Variants in JAZF1 observed in about 807,000 individuals in gnomAD.
JAZF1 encodes juxtaposed with another zinc finger protein 1.
A neutral mutation model predicts 26.4 loss-of-function variants in JAZF1; 8 were observed. The observed-to-expected ratio is 0.30, with a 90% CI of 0.18 to 0.55. The LOEUF is 0.55. Among genes scored for constraint, JAZF1 ranks in the 20% least tolerant of loss-of-function variants. The pLI, the probability that JAZF1 is intolerant of heterozygous loss-of-function variation, is 0.94. For missense variants in JAZF1, 199 were observed against 322.0 expected (o/e 0.62, Z 2.92); for synonymous variants, 126 against 122.3 (o/e 1.03, Z -0.20).
chr7:27,935,466 T>G (rs1784751847), intron 2 of JAZF1, among the ~76,000 whole-genome samples: 1 of 152,222 alleles, frequency 6.6e-6, no homozygotes, highest in Non-Finnish European at 1.5e-5. Flanking sequence ...TCACATATGA[T>G]TCCACGTGTA....
At chr7:27,928,715 C>T (rs78905425) in intron 2 of JAZF1, among the ~76,000 whole-genome samples, 1 of 152,170 alleles carries the variant, frequency 6.6e-6, no homozygotes, top group Non-Finnish European at 1.5e-5. Context: ...CGTGTTCTCA[C>T]TCATAAGTGG....
intron 2 of JAZF1, among the ~76,000 whole-genome samples, chr7:27,902,743 A>G (rs1295342070): frequency 1.3e-5 from 2 of 152,214 alleles, no homozygotes; most frequent in African/African-American, 2.4e-5. Context: ...CATGCTGGGC[A>G]CGGTGGCTCA....
intron 2 of JAZF1, among the ~76,000 whole-genome samples, chr7:27,900,619 G>GA (rs35195810): frequency 2.0e-5 from 3 of 151,556 alleles, no homozygotes; most frequent in Admixed American, 6.6e-5. Flanking sequence ...TTAATGTGGG[G>GA]AAAAAAAAGC....
chr7:27,942,871 CAT>C (rs1447011304), intron 2 of JAZF1, among the ~76,000 whole-genome samples: 3 of 152,304 alleles, frequency 2.0e-5, no homozygotes, highest in African/African-American at 7.2e-5. Flanking sequence ...AGGTCTGAAA[CAT>C]AAGCCTTGGC....
chr7:28,056,629 A>G (rs912052297), intron 1 of JAZF1, among the ~76,000 whole-genome samples: 8 of 152,180 alleles, frequency 5.3e-5, no homozygotes, highest in African/African-American at 1.9e-4. Flanking sequence ...AAAAGCAAAC[A>G]CAGCTCATGA....
intron 1 of JAZF1, among the ~76,000 whole-genome samples, chr7:28,061,813 T>C (rs1010707904): frequency 5.3e-5 from 8 of 152,168 alleles, no homozygotes; most frequent in African/African-American, 1.9e-4. Flanking sequence ...GTAAGACAAG[T>C]GGGTATTTCT....
intron 1 of JAZF1, among the ~76,000 whole-genome samples, chr7:28,024,896 T>C (rs989480642): frequency 2.0e-5 from 3 of 152,192 alleles, no homozygotes; most frequent in African/African-American, 4.8e-5. Flanking sequence ...AAGGATTCCA[T>C]AGACCAACTA....
chr7:28,094,544 T>C (rs10486577), intron 1 of JAZF1, among the ~76,000 whole-genome samples: 4,190 of 152,194 alleles, frequency 0.028, 231 homozygotes, highest in East Asian at 0.26. Flanking sequence ...CCTATACACA[T>C]TAATAACTTC....
chr7:27,898,311 G>GTTTTT lies in JAZF1; in HGVS notation c.189-2900_189-2896dup, dbSNP rs370764659. On this transcript the variant is annotated intron_variant, in intron 2 of 4. Transcript: ENST00000283928. ...CATATATATATATATATATACATCG[G>GTTTTT]TTTTTTTTTTTTTTTTTTTGAGATG... Among the ~76,000 whole-genome samples the GTTTTT allele has an allele frequency of 1.1e-4, 12 of 111,252 alleles. 1 individual carries two copies. Among genetic ancestry groups the GTTTTT allele is most frequent in the African/African-American group, 3.4e-4 (10 of 29,392 alleles). The allele number at this position is 111,252 out of a possible 152,430, so 73.0% of individuals were successfully genotyped here.
intron 2 of JAZF1, among the ~76,000 whole-genome samples, chr7:27,958,679 C>T (rs917230130): frequency 6.6e-6 from 1 of 152,198 alleles, no homozygotes; most frequent in Non-Finnish European, 1.5e-5. Context: ...TTCTGTGTGA[C>T]TTACGTTTCC....
intron 3 of JAZF1, among the ~76,000 whole-genome samples, chr7:27,859,728 G>C (rs981354779): frequency 6.6e-6 from 1 of 152,074 alleles, no homozygotes; most frequent in African/African-American, 2.4e-5. Context: ...GGGGCATGGG[G>C]GGCTAGGGGA....
chr7:28,133,783 T>C (rs1439747670), intron 1 of JAZF1, among the ~76,000 whole-genome samples: 1 of 152,160 alleles, frequency 6.6e-6, no homozygotes, highest in Non-Finnish European at 1.5e-5. Flanking sequence ...GCCTTAGGCC[T>C]TTGCTGCTTC....
chr7:28,142,891 A>G (rs1265747992), intron 1 of JAZF1, among the ~76,000 whole-genome samples: 1 of 152,168 alleles, frequency 6.6e-6, no homozygotes, highest in Non-Finnish European at 1.5e-5. Flanking sequence ...ATGCAATCCA[A>G]TTCACTGTCA....
chr7:28,140,223 C>T (rs1415052045), intron 1 of JAZF1, among the ~76,000 whole-genome samples: 1 of 151,894 alleles, frequency 6.6e-6, no homozygotes, highest in Non-Finnish European at 1.5e-5. Flanking sequence ...GCTGGGATTA[C>T]AGGCGCCCAC....
intron 1 of JAZF1, among the ~76,000 whole-genome samples, chr7:28,101,601 T>C (rs76713317): frequency 0.12 from 15,446 of 123,572 alleles, 1,243 homozygotes; most frequent in East Asian, 0.41. Context: ...AAAAAAAGCC[T>C]GGCATGGTAA....
intron 2 of JAZF1, among the ~76,000 whole-genome samples, chr7:27,910,225 A>G (rs1784338914): frequency 6.6e-6 from 1 of 152,186 alleles, no homozygotes; most frequent in African/African-American, 2.4e-5. Context: ...AGAATGACAT[A>G]AAACCACTAT....
chr7:28,121,312 G>T (rs1052454210), intron 1 of JAZF1, among the ~76,000 whole-genome samples: 1 of 152,318 alleles, frequency 6.6e-6, no homozygotes, highest in Admixed American at 6.5e-5. Context: ...CTCTAAGGGA[G>T]ATAGCTGTTA....
chr7:28,142,990 G>A (rs181806375), intron 1 of JAZF1, among the ~76,000 whole-genome samples: 3 of 152,284 alleles, frequency 2.0e-5, no homozygotes, highest in Non-Finnish European at 4.4e-5. Context: ...GGAGTCAGGA[G>A]AGCTTTCAGT....
chr7:28,111,795 A>T (rs1431404015), intron 1 of JAZF1, among the ~76,000 whole-genome samples: 1 of 152,172 alleles, frequency 6.6e-6, no homozygotes, highest in Non-Finnish European at 1.5e-5. Context: ...GCATGCATGC[A>T]TGTGCATGTG....
Sources: allele counts gnomAD v4.1 joint callset (sites outside exome capture counted in the v4.1 genomes callset), GRCh38; gene constraint gnomAD v4.1.1; transcripts MANE v1.5; gene names NCBI Gene and HGNC (gene_info 2026-07-23, HGNC 2026-07-21).